The following COL4A1 variants were observed in gnomAD, a reference collection of about 807,000 sequenced individuals.
COL4A1 encodes collagen alpha-1(IV) chain.
Under a neutral mutation model 216.6 loss-of-function variants are expected in COL4A1, and 40 were observed. The ratio of observed to expected loss-of-function variants is 0.18; its 90% CI spans 0.14 to 0.24. COL4A1 has a LOEUF of 0.24. COL4A1 is among the 10% of genes least tolerant of loss of function. The pLI, the probability that COL4A1 is intolerant of heterozygous loss-of-function variation, is 1.00. For synonymous variants in COL4A1, 839 were observed against 810.7 expected, an observed-to-expected ratio of 1.03 and a Z score of -0.59; for missense variants, 1,628 against 2,196.8, an observed-to-expected ratio of 0.74 and a Z score of 5.18.
chr13:110,270,099 G>C lies in COL4A1; in HGVS notation c.85-27365C>G, dbSNP rs1883191879. Among the ~76,000 whole-genome samples, 3 of 152,144 alleles carry C rather than the reference G, an allele frequency of 2.0e-5. No individual in the cohort carries two copies. The South Asian group carries it at 6.2e-4, about 32-fold the overall frequency. On this transcript the variant is annotated intron_variant, in intron 1 of 51. Transcript: ENST00000375820. ...TGTTGGTTTGAGTTTGAAATACTTG[G>C]TCTGCATCAGCCAGATGTCACTGCA...
At chr13:110,212,211 CA>C (rs773485155) in intron 6 of COL4A1, among the ~76,000 whole-genome samples, 44 of 152,118 alleles carry the variant, frequency 2.9e-4, no homozygotes, top group Non-Finnish European at 5.6e-4. Context: ...TAAAAGTCTA[CA>C]AAAAAGAAAG....
intron 1 of COL4A1, among the ~76,000 whole-genome samples, chr13:110,286,324 G>C (rs553472325): frequency 2.0e-5 from 3 of 152,276 alleles, no homozygotes; most frequent in Non-Finnish European, 2.9e-5. Context: ...CTGAACACTC[G>C]AAGCTCCTGA....
intron 1 of COL4A1, among the ~76,000 whole-genome samples, chr13:110,271,663 C>A (rs1211659197): frequency 6.6e-6 from 1 of 152,074 alleles, no homozygotes; most frequent in Non-Finnish European, 1.5e-5. Flanking sequence ...GTGACCAGGG[C>A]GATGTGACAG....
rs1566417498 is a variant in COL4A1, at chr13:110,253,180, C to CGTATTATATATACATATAACTATAT, written c.85-10447_85-10446insATATAGTTATATGTATATATAATAC. ...TTATATATACATATAACTATATGTACGTATGTATTATATATACATATAACT... is the reference window on the plus strand; with the variant it reads ...TTATATATACATATAACTATATGTACGTATTATATATACATATAACTATATGTATGTATTATATATACATATAACT... On this transcript the variant is annotated intron_variant, in intron 1 of 51. Coordinates refer to ENST00000375820, the MANE Select transcript of COL4A1 (RefSeq NM_001845.6). 7.7e-5 allele frequency among the ~76,000 whole-genome samples: 7 copies of CGTATTATATATACATATAACTATAT among 91,166 alleles called. No homozygotes were observed. In the South Asian group the frequency reaches 1.5e-3, roughly 19 times the overall value. 59.8% of individuals were successfully genotyped at this position (91,166 alleles called of 152,430 possible).
chr13:110,189,814 A>G (rs1054383743), intron 24 of COL4A1, among the ~76,000 whole-genome samples: 3 of 152,116 alleles, frequency 2.0e-5, no homozygotes, highest in Non-Finnish European at 4.4e-5. Flanking sequence ...ACTTTGCTTC[A>G]TTAGGACAGT....
intron 1 of COL4A1, among the ~76,000 whole-genome samples, chr13:110,305,588 C>A (rs942132039): frequency 2.6e-5 from 4 of 152,242 alleles, no homozygotes; most frequent in African/African-American, 7.2e-5. Context: ...AAATAAAGTG[C>A]TCTCAAGCCT....
At chr13:110,168,185 G>C (rs1455206720) in intron 43 of COL4A1, among the ~76,000 whole-genome samples, 1 of 152,030 alleles carries the variant, frequency 6.6e-6, no homozygotes, top group Non-Finnish European at 1.5e-5. Context: ...ATGCTAACTT[G>C]TGCATTTTTA....
chr13:110,160,764 A>G (rs1250831402), intron 49 of COL4A1, among the ~76,000 whole-genome samples: 1 of 152,164 alleles, frequency 6.6e-6, no homozygotes, highest in African/African-American at 2.4e-5. Context: ...GCAGGAGTGC[A>G]GTGGTGTGGT....
intron 1 of COL4A1, among the ~76,000 whole-genome samples, chr13:110,247,085 G>A (rs678661): frequency 0.7 from 106,681 of 151,926 alleles, 37,970 homozygotes; most frequent in East Asian, 0.91. Flanking sequence ...GGGGTTGGGG[G>A]TGAATTTATT....
chr13:110,219,111 C>T (rs548310745), intron 2 of COL4A1, among the ~76,000 whole-genome samples: 5 of 152,104 alleles, frequency 3.3e-5, no homozygotes, highest in East Asian at 1.9e-4. Context: ...AACTCTGTGG[C>T]GAGGCCCCGC....
chr13:110,186,620 C>T, intron 25 of COL4A1, 67 bp from the exon 26 acceptor site: 1 of 1,582,508 alleles, frequency 6.3e-7, no homozygotes, highest in South Asian at 1.1e-5. Flanking sequence ...TTATCGCATT[C>T]TTCTGACATT....
In COL4A1 at chr13:110,268,854, G is replaced by A. The variant is rs111599102; in HGVS notation, c.85-26120C>T. 4.1e-3 allele frequency among the ~76,000 whole-genome samples: 624 copies of A among 152,320 alleles called. 7 individuals carry two copies. The highest frequency in any genetic ancestry group is 0.014 in the African/African-American group (590 of 41,572). ...GAGGGCAGGTGAGACACAAGGAGGAGGGGACTTGTTTGAAGCAGTGAGAAG... is the reference window on the plus strand; with the variant it reads ...GAGGGCAGGTGAGACACAAGGAGGAAGGGACTTGTTTGAAGCAGTGAGAAG... On this transcript the variant is annotated intron_variant, in intron 1 of 51. Coordinates refer to ENST00000375820, the MANE Select transcript of COL4A1 (RefSeq NM_001845.6). This position sits in a 1 kb window ranked among gnomAD's most constrained non-coding sequence, Gnocchi z 4.1.
intron 1 of COL4A1, among the ~76,000 whole-genome samples, chr13:110,269,694 C>A (rs1053105161): frequency 5.3e-5 from 8 of 152,034 alleles, no homozygotes; most frequent in Non-Finnish European, 1.0e-4. Flanking sequence ...CAGGCCCTTG[C>A]CGGCAGGGTA....
chr13:110,206,967 C>T, intron 13 of COL4A1, 76 bp from the exon 14 acceptor site: 1 of 1,355,114 alleles, frequency 7.4e-7, no homozygotes, highest in Non-Finnish European at 1.0e-6. Flanking sequence ...AAACACACAG[C>T]AGAAAAAAAA....
chr13:110,256,807 T>C (rs1272046366), intron 1 of COL4A1, among the ~76,000 whole-genome samples: 1 of 152,176 alleles, frequency 6.6e-6, no homozygotes, highest in Non-Finnish European at 1.5e-5. Context: ...TCCTGTGGGA[T>C]AGGATCTAAC....
chr13:110,156,676 TA>T lies in COL4A1; in HGVS notation c.4641-1280del, dbSNP rs1202342922. Among the ~76,000 whole-genome samples, 3 of 152,008 alleles carry T rather than the reference TA, an allele frequency of 2.0e-5. No homozygotes were observed. The East Asian group carries it at 5.8e-4, about 29-fold the overall frequency. ...CTTGATGGTGGGATAATGCTTTGTT[TA>T]AAAAAAAATTAAACGTCAACAGTGA... is the stretch of plus-strand genomic sequence containing the variant. On this transcript the variant is annotated intron_variant, in intron 49 of 51. Transcript: ENST00000375820.
At chr13:110,152,267 G>A (rs1053697630) in intron 51 of COL4A1, 67 bp downstream of exon 51, 37 of 1,592,358 alleles carry the variant, frequency 2.3e-5, no homozygotes, top group Non-Finnish European at 2.7e-5. Context: ...GTTACGGATC[G>A]CGGATGATTA....
intron 20 of COL4A1, among the ~76,000 whole-genome samples, chr13:110,198,968 A>C (rs1476719531): frequency 6.6e-6 from 1 of 152,228 alleles, no homozygotes; most frequent in African/African-American, 2.4e-5. Context: ...GAGGGCATAG[A>C]AATGTCATTC....
chr13:110,236,275 C>T (rs1881312421), intron 2 of COL4A1, among the ~76,000 whole-genome samples: 1 of 152,180 alleles, frequency 6.6e-6, no homozygotes, highest in Admixed American at 6.5e-5. Flanking sequence ...ATTCAACAGA[C>T]TGGAAAATCT....
Sources: allele counts gnomAD v4.1 joint callset (sites outside exome capture counted in the v4.1 genomes callset), GRCh38; gene constraint gnomAD v4.1.1; non-coding constraint Gnocchi (gnomAD v3.1); transcripts MANE v1.5; gene names NCBI Gene and HGNC (gene_info 2026-07-23, HGNC 2026-07-21).